Variants in KCNQ5 observed in about 807,000 individuals in gnomAD.
KCNQ5 encodes potassium voltage-gated channel subfamily KQT member 5.
KCNQ5 carries 30 observed loss-of-function variants against 98.2 expected under a neutral mutation model. That is an observed-to-expected ratio of 0.31 (90% CI 0.23 to 0.41). KCNQ5 has a LOEUF of 0.41. Among genes scored for constraint, KCNQ5 ranks in the 10% least tolerant of loss-of-function variants. The probability of loss-of-function intolerance (pLI) is 1.00; values close to 1 mark genes in which losing one functional copy is unlikely to be tolerated. For missense variants in KCNQ5, 835 were observed against 1,182.5 expected (o/e 0.71, Z 4.31); for synonymous variants, 458 against 449.4 (o/e 1.02, Z -0.24).
chr6:73,180,148 C>G (rs1778355526), intron 11 of KCNQ5, among the ~76,000 whole-genome samples: 1 of 152,190 alleles, frequency 6.6e-6, no homozygotes, highest in Non-Finnish European at 1.5e-5. Context: ...ACAGTCGCAG[C>G]AACCATTGTC....
chr6:73,167,724 C>A (rs1053929146), intron 10 of KCNQ5, among the ~76,000 whole-genome samples: 1 of 152,178 alleles, frequency 6.6e-6, no homozygotes, highest in Non-Finnish European at 1.5e-5. Context: ...ATTTATTTCT[C>A]ACGGTTCTGA....
intron 1 of KCNQ5, among the ~76,000 whole-genome samples, chr6:73,001,039 T>G (rs796305666): frequency 3.3e-5 from 5 of 152,370 alleles, no homozygotes; most frequent in African/African-American, 1.2e-4. Flanking sequence ...TCTGACTTGC[T>G]GCCTTCCACA....
intron 10 of KCNQ5, among the ~76,000 whole-genome samples, chr6:73,160,676 G>A (rs1777584340): frequency 6.6e-6 from 1 of 152,152 alleles, no homozygotes; most frequent in African/African-American, 2.4e-5. Flanking sequence ...GCAGCACCAA[G>A]GAACACAGGA....
chr6:72,962,270 T>TATATATATACACACATATATATATAC, intron 1 of KCNQ5, among the ~76,000 whole-genome samples: 1 of 136,618 alleles, frequency 7.3e-6, no homozygotes, highest in Non-Finnish European at 1.6e-5. Flanking sequence ...TATATATACA[T>TATATATATACACACATATATATATAC]ATATATATAT....
chr6:72,808,349 A>T (rs1384674352), intron 1 of KCNQ5, among the ~76,000 whole-genome samples: 2 of 152,168 alleles, frequency 1.3e-5, no homozygotes, highest in African/African-American at 2.4e-5. Flanking sequence ...GACTAAGTTG[A>T]TTTATTTTTG....
intron 1 of KCNQ5, among the ~76,000 whole-genome samples, chr6:72,803,251 TTTTAA>T (rs1774761523): frequency 2.0e-5 from 3 of 152,170 alleles, no homozygotes; most frequent in Non-Finnish European, 4.4e-5. Flanking sequence ...ATTCTCACCA[TTTTAA>T]TTTTTGCATA....
chr6:72,681,684 C>T (rs759893775), intron 1 of KCNQ5, among the ~76,000 whole-genome samples: 5 of 152,178 alleles, frequency 3.3e-5, no homozygotes, highest in Non-Finnish European at 5.9e-5. Context: ...GGATCTTGCG[C>T]CTTCACAGTT....
intron 1 of KCNQ5, among the ~76,000 whole-genome samples, chr6:72,812,566 G>A (rs757035431): frequency 8.5e-5 from 13 of 152,168 alleles, no homozygotes; most frequent in Non-Finnish European, 1.6e-4. Flanking sequence ...AGGGGACCTC[G>A]GAATTGCCAT....
intron 1 of KCNQ5, among the ~76,000 whole-genome samples, chr6:72,908,859 C>A (rs2150202803): frequency 6.6e-6 from 1 of 152,182 alleles, no homozygotes; most frequent in African/African-American, 2.4e-5. Context: ...ATAAATATTT[C>A]TTTCTTCTTT....
chr6:72,740,242 T>G (rs1395640715), intron 1 of KCNQ5, among the ~76,000 whole-genome samples: 2 of 152,162 alleles, frequency 1.3e-5, no homozygotes, highest in Non-Finnish European at 2.9e-5. Flanking sequence ...GCATTGGAAG[T>G]AAGAGACAAA....
At chr6:72,973,683 A>G (rs1419193213) in intron 1 of KCNQ5, among the ~76,000 whole-genome samples, 1 of 152,178 alleles carries the variant, frequency 6.6e-6, no homozygotes, top group African/African-American at 2.4e-5. Context: ...AACAGGAAAG[A>G]CAAAGATCAA....
intron 1 of KCNQ5, among the ~76,000 whole-genome samples, chr6:72,885,004 C>T (rs1166443637): frequency 6.6e-6 from 1 of 152,136 alleles, no homozygotes. Context: ...CAAGTCACTT[C>T]TCTCAGCCTC....
At chr6:72,687,010 G>A (rs924733557) in intron 1 of KCNQ5, among the ~76,000 whole-genome samples, 4 of 152,042 alleles carry the variant, frequency 2.6e-5, no homozygotes, top group Non-Finnish European at 4.4e-5. Flanking sequence ...GATTTAGAAT[G>A]TGTGTGTGTA....
chr6:73,157,060 G>A (rs898391553), intron 10 of KCNQ5, among the ~76,000 whole-genome samples: 2 of 152,198 alleles, frequency 1.3e-5, no homozygotes, highest in Non-Finnish European at 1.5e-5. Flanking sequence ...ATGAACCACC[G>A]GGGGCCAGGA....
chr6:72,922,949 T>G (rs1780474349), intron 1 of KCNQ5, among the ~76,000 whole-genome samples: 1 of 151,564 alleles, frequency 6.6e-6, no homozygotes, highest in African/African-American at 2.4e-5. Context: ...GTAGCTGGGA[T>G]TACAGGCACC....
chr6:72,982,369 T>C (rs1768505744), intron 1 of KCNQ5, among the ~76,000 whole-genome samples: 1 of 152,206 alleles, frequency 6.6e-6, no homozygotes, highest in South Asian at 2.1e-4. Flanking sequence ...TTAGGACAGT[T>C]AGCTCTTCTT....
intron 1 of KCNQ5, among the ~76,000 whole-genome samples, chr6:72,668,108 A>T (rs1346810938): frequency 6.6e-6 from 1 of 152,226 alleles, no homozygotes; most frequent in South Asian, 2.1e-4. Flanking sequence ...CTATGATTAT[A>T]TAAGAAGTTG....
At chr6:72,843,134 TA>T (rs1466145241) in intron 1 of KCNQ5, among the ~76,000 whole-genome samples, 2 of 152,248 alleles carry the variant, frequency 1.3e-5, no homozygotes, top group Admixed American at 6.5e-5. Context: ...TTTAAGTCTT[TA>T]ATCCATCTTG....
chr6:72,875,110 T>C (rs1007712323), intron 1 of KCNQ5, among the ~76,000 whole-genome samples: 1 of 152,180 alleles, frequency 6.6e-6, no homozygotes, highest in South Asian at 2.1e-4. Context: ...AAAACCTTGT[T>C]TTATGCATAA....
Sources: allele counts gnomAD v4.1 joint callset (sites outside exome capture counted in the v4.1 genomes callset), GRCh38; gene constraint gnomAD v4.1.1; transcripts MANE v1.5; gene names NCBI Gene and HGNC (gene_info 2026-07-23, HGNC 2026-07-21).